The following SQOR variants were observed in gnomAD, a reference collection of about 807,000 sequenced individuals.
SQOR encodes the protein sulfide quinone oxidoreductase.
SQOR carries 39 observed loss-of-function variants against 48.6 expected under a neutral mutation model. The observed-to-expected ratio is 0.80, with a 90% CI of 0.62 to 1.05. SQOR has a LOEUF of 1.05. Ranked by LOEUF, SQOR falls within the 50% of genes least tolerant of loss-of-function variation. The probability of loss-of-function intolerance (pLI) is 0.00; values close to 1 mark genes in which losing one functional copy is unlikely to be tolerated. For synonymous variants in SQOR, 220 were observed against 206.2 expected (o/e 1.07, Z -0.57); for missense variants, 561 against 559.9 (o/e 1.00, Z -0.02).
At chr15:45,659,636 C>A (rs961909827) in intron 2 of SQOR, among the ~76,000 whole-genome samples, 5 of 152,158 alleles carry the variant, frequency 3.3e-5, no homozygotes, top group African/African-American at 1.2e-4. Context: ...CCTTTCTCTG[C>A]CTCCATCTTC....
At chr15:45,658,382 T>C (rs1889653465) in intron 1 of SQOR, among the ~76,000 whole-genome samples, 1 of 152,204 alleles carries the variant, frequency 6.6e-6, no homozygotes, top group Non-Finnish European at 1.5e-5. Flanking sequence ...GTGGGTACTC[T>C]GAGTTGCAGA....
chr15:45,670,068 T>C, intron 4 of SQOR, 87 bp downstream of exon 4: 1 of 1,301,440 alleles, frequency 7.7e-7, no homozygotes, highest in Non-Finnish European at 1.1e-6. Flanking sequence ...ATATTCATTT[T>C]GACAAGAAAG....
At chr15:45,682,911 C>T (rs1325537170) in intron 7 of SQOR, among the ~76,000 whole-genome samples, 1 of 151,690 alleles carries the variant, frequency 6.6e-6, no homozygotes. Context: ...CCTGCAATCC[C>T]AGCTACTCAG....
intron 7 of SQOR, among the ~76,000 whole-genome samples, chr15:45,683,215 A>G (rs1006111179): frequency 1.3e-5 from 2 of 152,064 alleles, no homozygotes; most frequent in East Asian, 3.9e-4. Context: ...AGCTCTCTTG[A>G]ATTCTGTTAC....
chr15:45,671,729 G>A (rs982287926), intron 4 of SQOR, among the ~76,000 whole-genome samples: 1 of 152,182 alleles, frequency 6.6e-6, no homozygotes, highest in South Asian at 2.1e-4. Context: ...GGTTCTGTTG[G>A]ACTCAGGCAG....
At chr15:45,658,490 C>T (rs1889655763) in intron 1 of SQOR, among the ~76,000 whole-genome samples, 1 of 152,144 alleles carries the variant, frequency 6.6e-6, no homozygotes, top group Non-Finnish European at 1.5e-5. Flanking sequence ...ACTCGTATAT[C>T]AGTTTTAATG....
At position 45,680,179 on chromosome 15, in the gene SQOR, C is replaced by T. The variant is rs552956366; in HGVS notation, c.865-2299C>T. ...CGTGGCTCATGGCTCACTGCAGCCT[C>T]TACTTCCCAGGCTCAGGCAATCCTC... On this transcript the variant is annotated intron_variant, in intron 6 of 9. Coordinates refer to ENST00000260324, the MANE Select transcript of SQOR (RefSeq NM_021199.4). 5.3e-5 allele frequency among the ~76,000 whole-genome samples: 8 copies of T among 152,232 alleles called. No homozygotes were observed. The South Asian group carries it at 1.7e-3, about 32-fold the overall frequency.
At position 45,676,213 on chromosome 15, in the gene SQOR, C is replaced by T. The variant is rs1197148648; in HGVS notation, c.767C>T (p.Thr256Ile). ...LQEIIQERNL[T>I]VNYKKNLIEV... ...GAGATCATCCAGGAGCGGAACCTCA[C>T]TGTTAACTACAAGAAAAACCTCATT... The change falls in exon 6 of 10, where the codon ACT becomes ATT. Residue 256 changes from threonine to isoleucine, a missense_variant. Physicochemically the swap from Thr to Ile is moderately conservative, Grantham distance 89 (BLOSUM62 -1). Transcript: ENST00000260324. 5.6e-6 allele frequency: 9 copies of T among 1,614,002 alleles called. No homozygotes were observed. In the Admixed American group the frequency reaches 1.0e-4, roughly 18 times the overall value.
chr15:45,686,159 A>G (rs1399087203), intron 7 of SQOR, among the ~76,000 whole-genome samples: 1 of 151,112 alleles, frequency 6.6e-6, no homozygotes, highest in Non-Finnish European at 1.5e-5. Context: ...TTTAATATAT[A>G]TATATATATT....
In SQOR at chr15:45,691,280, G is replaced by C. The variant is rs528867942; in HGVS notation, c.*250G>C. On this transcript the variant is annotated 3_prime_UTR_variant, in exon 10 of 10. Coordinates refer to ENST00000260324, the MANE Select transcript of SQOR (RefSeq NM_021199.4). ...ATTTTCTGAATAAAAGTTTGTCACT[G>C]ATTGTGTTCTATGAGAAAATTTTAT... 8.3e-6 allele frequency: 4 copies of C among 479,688 alleles called. No homozygotes were observed. Among genetic ancestry groups the C allele is most frequent in the African/African-American group, 5.9e-5 (3 of 50,754 alleles). 29.7% of individuals were successfully genotyped at this position (479,688 alleles called of 1,614,324 possible).
rs747612923 is a variant in SQOR at position 45,682,517 on chromosome 15, G to C, written c.904G>C (p.Asp302His). The change falls in exon 7 of 10, where the codon GAT (aspartate) becomes CAT (histidine). Residue 302 changes from aspartate (D) to histidine (H), a missense_variant. Transcript: ENST00000260324. Reference protein sequence around the residue: ...LHVTPPMSPPDVLKTSPVADA... With the variant: ...LHVTPPMSPPHVLKTSPVADA... ...TGTCACACCTCCAATGAGCCCACCA[G>C]ATGTCCTCAAGACCAGTCCTGTGGC... is the stretch of plus-strand genomic sequence containing the variant. 59 of 1,614,080 alleles carry C rather than the reference G, an allele frequency of 3.7e-5. No homozygotes were observed. The highest frequency in any genetic ancestry group is 2.2e-4 in the Admixed American group (13 of 60,010).
rs74514325 is a variant in SQOR, at chr15:45,675,407, T to C, written c.655-694T>C. Among the ~76,000 whole-genome samples the C allele has an allele frequency of 4.3e-3, 658 of 152,000 alleles. 5 individuals are homozygous for C. Among genetic ancestry groups the C allele is most frequent in the African/African-American group, 0.015 (619 of 41,476 alleles). On this transcript the variant is annotated intron_variant, in intron 5 of 9. Transcript: ENST00000260324. ...TGTTTTTTAGTTTGTTTATTTTTTTTTTTTGGAGACAGAATTTTGCTCTGT... is the reference window on the plus strand; with the variant it reads ...TGTTTTTTAGTTTGTTTATTTTTTTCTTTTGGAGACAGAATTTTGCTCTGT...
chr15:45,690,834 C>A lies in SQOR; in HGVS notation c.1296-139C>A, dbSNP rs148964661. ...GTCCCCTCCTAGTCATGGGATCTCT[C>A]CAACTCACTAGACAATCTTGCTTTA... is the stretch of plus-strand genomic sequence containing the variant. On this transcript the variant is annotated intron_variant, in intron 9 of 9. Coordinates refer to ENST00000260324, the MANE Select transcript of SQOR (RefSeq NM_021199.4). 261 of 770,924 alleles carry A rather than the reference C, an allele frequency of 3.4e-4. 1 individual carries two copies. The African/African-American group carries it at 4.1e-3, about 12-fold the overall frequency. 47.8% of individuals were successfully genotyped at this position (770,924 alleles called of 1,614,324 possible). A position where few individuals can be genotyped will look rare whatever the true frequency, so the allele number is the denominator to read the frequency against.
In SQOR at chr15:45,653,756, A is replaced by C. The variant is rs140556744; in HGVS notation, c.-17-5151A>C. ...ATGAAAAACAAATGACACTTCCATC[A>C]CTCAGGTAATCCCAAGAGTTTTAGG... is the stretch of plus-strand genomic sequence containing the variant. On this transcript the variant is annotated intron_variant, in intron 1 of 9. Transcript: ENST00000260324. 3.1e-3 allele frequency among the ~76,000 whole-genome samples: 471 copies of C among 152,256 alleles called. 2 individuals are homozygous for C. Among genetic ancestry groups the C allele is most frequent in the Middle Eastern group, 6.8e-3 (2 of 292 alleles).
chr15:45,654,684 A>G (rs1889562117), intron 1 of SQOR, among the ~76,000 whole-genome samples: 1 of 152,118 alleles, frequency 6.6e-6, no homozygotes, highest in African/African-American at 2.4e-5. Context: ...GACACACACA[A>G]GGAGTTTCGG....
chr15:45,682,444 T>A (rs1456469935), intron 6 of SQOR, 34 bp from the exon 7 acceptor site: 2 of 1,611,024 alleles, frequency 1.2e-6, no homozygotes, highest in Admixed American at 3.3e-5. Context: ...AAATATTGAA[T>A]AAATGAAAAT....
At chr15:45,637,395 T>C (rs1895023922) in intron 1 of SQOR, among the ~76,000 whole-genome samples, 1 of 152,210 alleles carries the variant, frequency 6.6e-6, no homozygotes, top group East Asian at 1.9e-4. Flanking sequence ...AGATACCATT[T>C]ATCAGAACTT....
chr15:45,674,202 C>A (rs1889994539), intron 5 of SQOR, among the ~76,000 whole-genome samples: 1 of 152,084 alleles, frequency 6.6e-6, no homozygotes, highest in Non-Finnish European at 1.5e-5. Flanking sequence ...TTTGGGAGGC[C>A]AAGGTGGGTG....
chr15:45,650,487 G>C (rs947662683), intron 1 of SQOR, among the ~76,000 whole-genome samples: 1 of 152,220 alleles, frequency 6.6e-6, no homozygotes, highest in Admixed American at 6.5e-5. Context: ...TAATGCCAGT[G>C]TGGACTCAAA....
Sources: allele counts gnomAD v4.1 joint callset (sites outside exome capture counted in the v4.1 genomes callset), GRCh38; gene constraint gnomAD v4.1.1; transcripts MANE v1.5; gene names NCBI Gene and HGNC (gene_info 2026-07-23, HGNC 2026-07-21).